The following GSE1 variants were observed in gnomAD, a reference collection of about 807,000 sequenced individuals.
GSE1 encodes Gse1 coiled-coil protein, also known as genetic suppressor element 1.
GSE1 carries 32 observed loss-of-function variants against 112.6 expected under a neutral mutation model. That is an observed-to-expected ratio of 0.28 (90% CI 0.21 to 0.38). The LOEUF is 0.38. GSE1 is among the 10% of genes least tolerant of loss of function. The pLI is 1.00. For missense variants in GSE1, 2,348 were observed against 1,699.2 expected (o/e 1.38, Z -6.71); for synonymous variants, 1,115 against 735.6 (o/e 1.52, Z -8.35).
intron 2 of GSE1, among the ~76,000 whole-genome samples, chr16:85,508,751 A>C (rs556443628): frequency 6.6e-6 from 1 of 152,230 alleles, no homozygotes; most frequent in Non-Finnish European, 1.5e-5. Context: ...GTAGAGACTG[A>C]AATTAGCAGG....
rs1567757922 is a variant in GSE1 at position 85,665,277 on chromosome 16, G to A, written c.2758+149G>A. ...ATTCTTGTACCAGCGTACGATTCTT[G>A]CACAGTTGTGACAGTCATTGGGACG... On this transcript the variant is annotated intron_variant, in intron 12 of 15. Coordinates refer to ENST00000253458, the MANE Select transcript of GSE1 (RefSeq NM_014615.5). 4.9e-6 allele frequency: 3 copies of A among 609,084 alleles called. No homozygotes were observed. In the African/African-American group the frequency reaches 5.5e-5, roughly 11 times the overall value. 37.7% of individuals were successfully genotyped at this position (609,084 alleles called of 1,614,324 possible). A position where few individuals can be genotyped will look rare whatever the true frequency, so the allele number is the denominator to read the frequency against.
upstream of GSE1, among the ~76,000 whole-genome samples, chr16:85,552,316 C>CGAGATCGG (rs1476686552): frequency 8.6e-6 from 1 of 116,586 alleles, no homozygotes. Context: ...TGAACCACCG[C>CGAGATCGG]ACCCGCCCCT....
intron 1 of GSE1, among the ~76,000 whole-genome samples, chr16:85,217,613 A>G (rs2075325864): frequency 6.6e-6 from 1 of 152,160 alleles, no homozygotes; most frequent in Non-Finnish European, 1.5e-5. Flanking sequence ...TGGTTGTGAG[A>G]GTTAAATGCG....
At chr16:85,289,212 C>T (rs900622180) in intron 1 of GSE1, among the ~76,000 whole-genome samples, 2 of 152,216 alleles carry the variant, frequency 1.3e-5, no homozygotes, top group Admixed American at 1.3e-4. Flanking sequence ...GGGAGGGTCC[C>T]TGGAGTCCTC....
At chr16:85,284,126 C>G (rs1375005015) in intron 1 of GSE1, among the ~76,000 whole-genome samples, 1 of 152,200 alleles carries the variant, frequency 6.6e-6, no homozygotes, top group Non-Finnish European at 1.5e-5. Flanking sequence ...GCCAGTTGTT[C>G]AGCTTTCAAG....
intron 1 of GSE1, among the ~76,000 whole-genome samples, chr16:85,291,768 A>C (rs1356772870): frequency 1.3e-5 from 2 of 151,798 alleles, no homozygotes. Flanking sequence ...GCCAGAGGCC[A>C]CCTCCCAGGC....
intron 1 of GSE1, among the ~76,000 whole-genome samples, chr16:85,349,672 T>C (rs1281842433): frequency 6.6e-6 from 1 of 152,146 alleles, no homozygotes; most frequent in East Asian, 1.9e-4. Flanking sequence ...TTCGTGCCTG[T>C]GCTTGATTTT....
intron 1 of GSE1, among the ~76,000 whole-genome samples, chr16:85,587,930 T>C (rs1470565915): frequency 6.6e-6 from 1 of 152,176 alleles, no homozygotes; most frequent in Non-Finnish European, 1.5e-5. Context: ...AGCCCCTGCC[T>C]TGCCGGGCTG....
intron 1 of GSE1, among the ~76,000 whole-genome samples, chr16:85,568,627 C>G (rs193163911): frequency 2.0e-5 from 3 of 152,312 alleles, no homozygotes; most frequent in Admixed American, 2.0e-4. Flanking sequence ...GGCAGCCAGC[C>G]TCGTGACCCA....
intron 1 of GSE1, among the ~76,000 whole-genome samples, chr16:85,323,146 C>T (rs971847330): frequency 3.9e-5 from 6 of 152,082 alleles, no homozygotes; most frequent in African/African-American, 9.7e-5. Context: ...TGGGGCAAGA[C>T]GTGAGAGGCA....
At chr16:85,653,180 TC>T (rs2051524303) in intron 3 of GSE1, among the ~76,000 whole-genome samples, 1 of 9,794 alleles carries the variant, frequency 1.0e-4, no homozygotes, top group African/African-American at 4.1e-4. Context: ...GCCCTGAGGC[TC>T]CCTCCGCCCC....
intron 1 of GSE1, among the ~76,000 whole-genome samples, chr16:85,342,669 G>A (rs78621051): frequency 0.13 from 20,070 of 152,134 alleles, 1,692 homozygotes; most frequent in Non-Finnish European, 0.19. Flanking sequence ...GCTGTCTGAC[G>A]TTTGGCAGTC....
At chr16:85,557,236 C>T (rs529943472) in intron 1 of GSE1, among the ~76,000 whole-genome samples, 2 of 152,298 alleles carry the variant, frequency 1.3e-5, no homozygotes, top group South Asian at 4.1e-4. Flanking sequence ...CCCCTGGGGT[C>T]GGGGAGAAAC....
chr16:85,573,593 G>A (rs533032118), intron 1 of GSE1, among the ~76,000 whole-genome samples: 6 of 152,270 alleles, frequency 3.9e-5, no homozygotes, highest in African/African-American at 1.4e-4. Context: ...GTGTCCTGGG[G>A]TCCTGCTGGT....
At chr16:85,619,753 A>G (rs1027506608) in intron 1 of GSE1, among the ~76,000 whole-genome samples, 4 of 152,098 alleles carry the variant, frequency 2.6e-5, no homozygotes, top group African/African-American at 9.7e-5. Context: ...TTTCACCCCA[A>G]CGTGCTCCTC....
chr16:85,517,915 C>G lies in GSE1; in HGVS notation c.2465-115999C>G, dbSNP rs116032594. 6.1e-3 allele frequency among the ~76,000 whole-genome samples: 926 copies of G among 152,350 alleles called. 14 individuals carry two copies. Among genetic ancestry groups the G allele is most frequent in the African/African-American group, 0.021 (894 of 41,588 alleles). On this transcript the variant is annotated intron_variant, in intron 2 of 2. Transcript: ENST00000637419. ...TGCCCCGTCAGTGTGTGGCGCCTGG[C>G]AGGGCTGATGGAGCGCCCCTCTCCC...
intron 2 of GSE1, among the ~76,000 whole-genome samples, chr16:85,502,427 A>T (rs966105986): frequency 1.3e-5 from 2 of 152,138 alleles, no homozygotes; most frequent in African/African-American, 4.8e-5. Flanking sequence ...GACTCCTCCC[A>T]TTTTACCAAT....
At chr16:85,433,092 G>T (rs762886828) in intron 2 of GSE1, among the ~76,000 whole-genome samples, 40 of 152,100 alleles carry the variant, frequency 2.6e-4, no homozygotes, top group South Asian at 8.3e-4. Flanking sequence ...GGGCTCAGGG[G>T]TTCAGGGAGG....
upstream of GSE1, among the ~76,000 whole-genome samples, chr16:85,554,591 G>A (rs1036813196): frequency 6.6e-6 from 1 of 152,110 alleles, no homozygotes; most frequent in Non-Finnish European, 1.5e-5. Context: ...GGGGTGAGAG[G>A]AAAAGAAAGG....
Sources: allele counts gnomAD v4.1 joint callset (sites outside exome capture counted in the v4.1 genomes callset), GRCh38; gene constraint gnomAD v4.1.1; transcripts MANE v1.5; gene names NCBI Gene and HGNC (gene_info 2026-07-23, HGNC 2026-07-21).